Variants in OPRM1 observed in about 807,000 individuals in gnomAD.
OPRM1 encodes the protein opioid receptor mu 1.
A neutral mutation model predicts 31.8 loss-of-function variants in OPRM1; 27 were observed. The observed-to-expected ratio is 0.85, with a 90% CI of 0.63 to 1.17. The LOEUF (loss-of-function observed/expected upper bound fraction) is 1.17, where lower values mean the gene tolerates loss of function less well. OPRM1 is among the 50% of genes most tolerant of loss of function. The probability of loss-of-function intolerance (pLI) is 0.00; values close to 1 mark genes in which losing one functional copy is unlikely to be tolerated. For synonymous variants in OPRM1, 196 were observed against 189.9 expected (o/e 1.03, Z -0.26); for missense variants, 536 against 511.1 (o/e 1.05, Z -0.47).
chr6:154,066,938 A>G (rs1785539458), intron 1 of OPRM1, among the ~76,000 whole-genome samples: 1 of 152,138 alleles, frequency 6.6e-6, no homozygotes, highest in Non-Finnish European at 1.5e-5. Context: ...TTTCATCCAG[A>G]TTATCCAATT....
Position 154,122,642 on chromosome 6 carries a change from TG to T in OPRM1, c.*3922del, listed in dbSNP as rs1797367901. Among the ~76,000 whole-genome samples, 1 of 152,218 alleles carries T rather than the reference TG, an allele frequency of 6.6e-6. No homozygotes were observed. The highest frequency in any genetic ancestry group is 1.5e-5 in the Non-Finnish European group (1 of 68,040). ...AAAATATAAAAAGTACAAGGAATTG[TG>T]TACATTACAAACTGCTCCAGAAACA... On this transcript the variant is annotated 3_prime_UTR_variant, in exon 4 of 4. Transcript: ENST00000330432.
At chr6:154,203,445 A>G (rs73789371) in intron 3 of OPRM1, among the ~76,000 whole-genome samples, 178 of 152,286 alleles carry the variant, frequency 1.2e-3, no homozygotes, top group African/African-American at 4.2e-3. Context: ...TTAAACACAG[A>G]TATTTTCCAA....
chr6:154,223,029 G>A, intron 3 of OPRM1: 1 of 681,816 alleles, frequency 1.5e-6, no homozygotes, highest in Non-Finnish European at 2.6e-6. Context: ...TTCTATGTAG[G>A]GTGCCAACCC....
At chr6:154,075,166 T>A (rs1787596876) in intron 1 of OPRM1, among the ~76,000 whole-genome samples, 2 of 152,112 alleles carry the variant, frequency 1.3e-5, no homozygotes, top group South Asian at 4.1e-4. Flanking sequence ...AAGAAGACAA[T>A]GAATAGAGTA....
intron 3 of OPRM1, chr6:154,156,880 C>A (rs191445215): frequency 6.6e-6 from 1 of 152,326 alleles, no homozygotes; most frequent in East Asian, 1.9e-4. Context: ...TCTTCACAAC[C>A]CCAAAGAGGA....
chr6:154,116,760 T>A (rs1179693380), intron 3 of OPRM1, among the ~76,000 whole-genome samples: 1 of 152,068 alleles, frequency 6.6e-6, no homozygotes, highest in Admixed American at 6.6e-5. Flanking sequence ...ACAGCCTTGG[T>A]TCTGCATGCT....
chr6:154,108,984 T>C (rs1217821784), intron 3 of OPRM1: 3 of 984,788 alleles, frequency 3.0e-6, no homozygotes, highest in Non-Finnish European at 3.6e-6. Flanking sequence ...TTTTATTTCA[T>C]GGACCAGCAA....
chr6:154,077,762 A>G (rs1375438892), intron 1 of OPRM1, among the ~76,000 whole-genome samples: 1 of 152,014 alleles, frequency 6.6e-6, no homozygotes, highest in Non-Finnish European at 1.5e-5. Context: ...TTAATTAACT[A>G]AAACAAAAGA....
upstream of OPRM1, among the ~76,000 whole-genome samples, chr6:154,037,412 T>C (rs1474788095): frequency 1.3e-5 from 2 of 151,654 alleles, no homozygotes; most frequent in African/African-American, 4.8e-5. Context: ...AAGTTTATAA[T>C]CTGGCTTAGT....
chr6:154,044,959 TCTTA>T (rs780726448), intron 1 of OPRM1, among the ~76,000 whole-genome samples: 30 of 152,120 alleles, frequency 2.0e-4, no homozygotes, highest in Non-Finnish European at 3.1e-4. Flanking sequence ...GCACTGTAGC[TCTTA>T]CTTACAATGC....
intron 3 of OPRM1, among the ~76,000 whole-genome samples, chr6:154,202,096 AT>A (rs1236302582): frequency 1.3e-5 from 2 of 152,220 alleles, no homozygotes; most frequent in African/African-American, 4.8e-5. Flanking sequence ...GGAGAAGCCA[AT>A]ATTTACCTAA....
chr6:154,201,017 T>C (rs926276252), intron 3 of OPRM1, among the ~76,000 whole-genome samples: 12 of 151,928 alleles, frequency 7.9e-5, no homozygotes, highest in African/African-American at 2.7e-4. Flanking sequence ...TGAGTTCTCA[T>C]GAGATCTGAT....
At chr6:154,109,792 C>CTCTCTCTGTGTG (rs1358444421) in intron 3 of OPRM1, among the ~76,000 whole-genome samples, 22 of 101,198 alleles carry the variant, frequency 2.2e-4, no homozygotes, top group African/African-American at 7.2e-4. Context: ...CTCTCTCTCT[C>CTCTCTCTGTGTG]TGTGTGTGTG....
intron 3 of OPRM1, among the ~76,000 whole-genome samples, chr6:154,144,526 C>A (rs1165020735): frequency 6.6e-6 from 1 of 152,106 alleles, no homozygotes; most frequent in Non-Finnish European, 1.5e-5. Flanking sequence ...GCAGGTGGAT[C>A]ACCCGAGGTC....
intron 3 of OPRM1, chr6:154,093,376 T>C (rs1198352230): frequency 6.2e-7 from 1 of 1,614,164 alleles, no homozygotes; most frequent in Non-Finnish European, 8.5e-7. Flanking sequence ...CTCCCAGCTA[T>C]CCTTCACTCG....
intron 3 of OPRM1, among the ~76,000 whole-genome samples, chr6:154,116,804 C>T (rs190566704): frequency 2.0e-5 from 3 of 152,238 alleles, no homozygotes; most frequent in Admixed American, 2.0e-4. Context: ...CTTCATTACA[C>T]CAATGCAGCA....
At chr6:154,206,017 T>C (rs961378981) in intron 3 of OPRM1, among the ~76,000 whole-genome samples, 7 of 152,268 alleles carry the variant, frequency 4.6e-5, no homozygotes, top group African/African-American at 1.4e-4. Context: ...AGGATTACCT[T>C]GGCTATCAAG....
intron 3 of OPRM1, among the ~76,000 whole-genome samples, chr6:154,177,382 C>A (rs1297880294): frequency 6.6e-6 from 1 of 152,180 alleles, no homozygotes; most frequent in East Asian, 1.9e-4. Context: ...TCTTTGCAAT[C>A]TATCCATCTG....
intron 3 of OPRM1, among the ~76,000 whole-genome samples, chr6:154,188,665 G>T (rs1801595750): frequency 6.6e-6 from 1 of 152,270 alleles, no homozygotes; most frequent in South Asian, 2.1e-4. Flanking sequence ...TATGAGCCAG[G>T]GTAGAAAAAG....
Sources: allele counts gnomAD v4.1 joint callset (sites outside exome capture counted in the v4.1 genomes callset), GRCh38; gene constraint gnomAD v4.1.1; transcripts MANE v1.5; gene names NCBI Gene and HGNC (gene_info 2026-07-23, HGNC 2026-07-21).